IP6K2: variants seen among roughly 807,000 people sequenced by gnomAD.
IP6K2 encodes inositol hexakisphosphate kinase 2, also known as ATP:1D-myo-inositol-hexakisphosphate phosphotransferase.
In IP6K2, 9 loss-of-function variants were observed where a neutral mutation model predicts 43.3. The observed-to-expected ratio is 0.21, with a 90% CI of 0.13 to 0.36. IP6K2 has a LOEUF of 0.36. Ranked by LOEUF, IP6K2 falls within the 10% of genes least tolerant of loss-of-function variation. The pLI, the probability that IP6K2 is intolerant of heterozygous loss-of-function variation, is 1.00. For missense variants in IP6K2, 332 were observed against 538.4 expected (o/e 0.62, Z 3.79); for synonymous variants, 209 against 202.4 (o/e 1.03, Z -0.28).
chr3:48,689,845 TC>T, intron 4 of IP6K2, 132 bp from the exon 5 acceptor site: 1 of 684,846 alleles, frequency 1.5e-6, no homozygotes. Context: ...AGTCCTGCCA[TC>T]CCCGACACAG....
intron 5 of IP6K2, among the ~76,000 whole-genome samples, chr3:48,689,045 T>C (rs1215306718): frequency 6.6e-6 from 1 of 152,242 alleles, no homozygotes; most frequent in Non-Finnish European, 1.5e-5. Context: ...TCCTCCCTAC[T>C]ACTATCCACA....
At position 48,695,112 on chromosome 3, in the gene IP6K2, G is replaced by C; in HGVS notation, c.180C>G (p.Arg60=). 1 of 1,613,012 alleles carries C rather than the reference G, an allele frequency of 6.2e-7. No homozygotes were observed. Among genetic ancestry groups the C allele is most frequent in the Non-Finnish European group, 8.5e-7 (1 of 1,178,982 alleles). The change falls in exon 2 of 6, where the codon CGC becomes CGG. Residue 60 remains arginine (R), a synonymous_variant. Transcript: ENST00000328631. This position sits in a 1 kb window ranked among gnomAD's most constrained non-coding sequence, Gnocchi z 4.6. The part of the protein sequence containing the change: ...QFYETLPAEM[R]KFTPQYKGVV... Reference sequence around the variant, plus strand: ...TACCTTTGTACTGGGGAGTGAATTTGCGCATCTCAGCAGGGAGGGTCTCGT... The same window carrying C: ...TACCTTTGTACTGGGGAGTGAATTTCCGCATCTCAGCAGGGAGGGTCTCGT...
intron 1 of IP6K2, among the ~76,000 whole-genome samples, chr3:48,708,809 C>T (rs981226641): frequency 1.3e-5 from 2 of 152,178 alleles, no homozygotes; most frequent in African/African-American, 4.8e-5. Flanking sequence ...TGGTGGCTCA[C>T]ACACGTGTAA....
At position 48,688,396 on chromosome 3, in the gene IP6K2, G is replaced by A. The variant is rs773308953; in HGVS notation, c.1158C>T (p.His386=). The A allele has an allele frequency of 2.5e-6, 4 of 1,614,148 alleles. No individual in the cohort carries two copies. The highest frequency in any genetic ancestry group is 2.7e-5 in the African/African-American group (2 of 74,956). The change falls in exon 6 of 6, where the codon CAC becomes CAT. Residue 386 remains histidine (H), a synonymous_variant. Coordinates refer to ENST00000328631, the MANE Select transcript of IP6K2 (RefSeq NM_016291.4). The surrounding 1 kb of genome is among the most constrained non-coding windows in gnomAD (Gnocchi z 5.1). ...CCTCGCCATACAGCCTGCAGGTGGT[G>A]TGTGCAAAGTCGATCATGCGCACAT... ...SVDVRMIDFA[H]TTCRLYGEDT...
At chr3:48,691,206 A>G in intron 4 of IP6K2, 101 bp downstream of exon 4, 2 of 955,076 alleles carry the variant, frequency 2.1e-6, no homozygotes, top group South Asian at 1.6e-5. Flanking sequence ...AAACTCAACC[A>G]TGACTATAAA....
intron 1 of IP6K2, among the ~76,000 whole-genome samples, chr3:48,698,928 G>C (rs1023410803): frequency 6.6e-6 from 1 of 151,950 alleles, no homozygotes; most frequent in African/African-American, 2.4e-5. Flanking sequence ...GACAGAGTAA[G>C]ACCCTGTCTT....
At chr3:48,704,685 C>A (rs1253389826) in intron 1 of IP6K2, among the ~76,000 whole-genome samples, 1 of 152,066 alleles carries the variant, frequency 6.6e-6, no homozygotes, top group Non-Finnish European at 1.5e-5. Flanking sequence ...GTTGCTCAGG[C>A]TGGTCTTGAA....
chr3:48,702,647 C>T (rs1385635583), intron 1 of IP6K2, among the ~76,000 whole-genome samples: 1 of 152,134 alleles, frequency 6.6e-6, no homozygotes, highest in African/African-American at 2.4e-5. Context: ...TTCAGCCACT[C>T]TATCTAAAAG....
intron 1 of IP6K2, among the ~76,000 whole-genome samples, chr3:48,712,175 C>G (rs1447531042): frequency 6.6e-6 from 1 of 151,406 alleles, no homozygotes; most frequent in Non-Finnish European, 1.5e-5. Context: ...AGGAGGATTG[C>G]TTAATGCCAG....
chr3:48,692,882 A>G, intron 3 of IP6K2, 72 bp downstream of exon 3: 2 of 1,076,786 alleles, frequency 1.9e-6, no homozygotes, highest in Non-Finnish European at 2.8e-6. Context: ...GCTCCAGGGA[A>G]CTGGGCTGTA....
intron 5 of IP6K2, among the ~76,000 whole-genome samples, chr3:48,689,140 C>T (rs1255059597): frequency 6.6e-6 from 1 of 152,174 alleles, no homozygotes; most frequent in East Asian, 1.9e-4. Flanking sequence ...AAGCAACAGA[C>T]TCATGTAGGG....
chr3:48,704,160 G>A (rs1327247383), intron 1 of IP6K2, among the ~76,000 whole-genome samples: 1 of 152,054 alleles, frequency 6.6e-6, no homozygotes, highest in East Asian at 1.9e-4. Context: ...GTAAAATAAA[G>A]CCAGGAAGGA....
Position 48,695,571 on chromosome 3 carries a change from C to A in IP6K2, c.-130-150G>T. 9.2e-7 allele frequency: 1 copy of A among 1,084,068 alleles called. No homozygotes were observed. Among genetic ancestry groups the A allele is most frequent in the Non-Finnish European group, 1.2e-6 (1 of 843,858 alleles). 67.2% of individuals were successfully genotyped at this position (1,084,068 alleles called of 1,614,324 possible). ...CCATGCCACCCACCTTGGCCCCCGCCTTCTCCGGCAGAAAAACAAAAACAC... is the reference window on the plus strand; with the variant it reads ...CCATGCCACCCACCTTGGCCCCCGCATTCTCCGGCAGAAAAACAAAAACAC... On this transcript the variant is annotated intron_variant, in intron 1 of 5. Coordinates refer to ENST00000328631, the MANE Select transcript of IP6K2 (RefSeq NM_016291.4). The surrounding 1 kb of genome is among the most constrained non-coding windows in gnomAD (Gnocchi z 4.6).
Position 48,714,385 on chromosome 3 carries a change from T to G in IP6K2, c.-131+2772A>C, listed in dbSNP as rs77811504. On this transcript the variant is annotated intron_variant, in intron 1 of 5. Transcript: ENST00000328631. ...CTCGGCCCTTTCTTTTTCCTTTTTT[T>G]TGTGTGTGTGTGTGTGTGTTTTTTT... Among the ~76,000 whole-genome samples, 175 of 149,868 alleles carry G rather than the reference T, an allele frequency of 1.2e-3. 2 individuals carry two copies. The highest frequency in any genetic ancestry group is 3.4e-3 in the Middle Eastern group (1 of 292).
At chr3:48,709,792 G>A (rs974647417) in intron 1 of IP6K2, among the ~76,000 whole-genome samples, 1 of 150,352 alleles carries the variant, frequency 6.7e-6, no homozygotes, top group Non-Finnish European at 1.5e-5. Flanking sequence ...AGCCGAGATC[G>A]CACCACTGCA....
chr3:48,716,966 C>A (rs926672441), intron 1 of IP6K2, 191 bp downstream of exon 1: 10 of 152,386 alleles, frequency 6.6e-5, no homozygotes, highest in African/African-American at 2.4e-4. Flanking sequence ...GAAGAAAAAC[C>A]CTCCTCCCAA....
intron 2 of IP6K2, chr3:48,694,211 GCC>G: frequency 6.4e-7 from 1 of 1,551,406 alleles, no homozygotes; most frequent in Non-Finnish European, 8.7e-7. Flanking sequence ...GGCAGGGATG[GCC>G]AGCTAACAAG....
chr3:48,693,205 A>T (rs1315823662), intron 2 of IP6K2, 26 bp from the exon 3 acceptor site: 3 of 1,570,820 alleles, frequency 1.9e-6, no homozygotes, highest in Non-Finnish European at 2.6e-6. Flanking sequence ...GAGCAGAAAG[A>T]ACTTTTAATT....
chr3:48,715,656 T>C, intron 1 of IP6K2: 1 of 579,678 alleles, frequency 1.7e-6, no homozygotes, highest in Non-Finnish European at 3.1e-6. Flanking sequence ...AGCTAGTTTC[T>C]ACAATTGTAT....
Sources: gnomAD v4.1 joint callset for allele counts (sites outside exome capture counted in the v4.1 genomes callset) on GRCh38, gnomAD v4.1.1 for gene constraint, Gnocchi (gnomAD v3.1) non-coding constraint, MANE v1.5 for transcripts, NCBI Gene and HGNC (gene_info 2026-07-23, HGNC 2026-07-21) for gene names.